Variants in NTN1 observed in about 807,000 individuals in gnomAD.
NTN1 encodes the protein netrin-1.
NTN1 carries 11 observed loss-of-function variants against 54.2 expected under a neutral mutation model. The ratio of observed to expected loss-of-function variants is 0.20; its 90% confidence interval spans 0.13 to 0.34. The LOEUF (loss-of-function observed/expected upper bound fraction) is 0.34. Among genes scored for constraint, NTN1 ranks in the 10% least tolerant of loss-of-function variants. The pLI, the probability that NTN1 is intolerant of heterozygous loss-of-function variation, is 1.00. For missense variants in NTN1, 740 were observed against 893.1 expected (o/e 0.83, Z 2.18); for synonymous variants, 371 against 382.0 (o/e 0.97, Z 0.33).
intron 2 of NTN1, among the ~76,000 whole-genome samples, chr17:9,110,899 ATTGGGTTT>A (rs573856860): frequency 1.8e-3 from 201 of 109,508 alleles, no homozygotes; most frequent in African/African-American, 6.7e-3. Flanking sequence ...GCCACCCATT[ATTGGGTTT>A]AGGGACCACC....
intron 2 of NTN1, among the ~76,000 whole-genome samples, chr17:9,118,738 T>C (rs2092222989): frequency 6.6e-6 from 1 of 151,964 alleles, no homozygotes; most frequent in African/African-American, 2.4e-5. Flanking sequence ...AATGAAATCA[T>C]ATAATATGTG....
intron 2 of NTN1, among the ~76,000 whole-genome samples, chr17:9,148,369 T>C (rs1405546629): frequency 6.6e-6 from 1 of 152,130 alleles, no homozygotes; most frequent in African/African-American, 2.4e-5. Flanking sequence ...CTCCTAGACC[T>C]GTTGAGTTGA....
At chr17:9,222,224 A>C (rs1905383244) in intron 6 of NTN1, among the ~76,000 whole-genome samples, 1 of 151,824 alleles carries the variant, frequency 6.6e-6, no homozygotes, top group African/African-American at 2.4e-5. Flanking sequence ...ACATCTGCCC[A>C]CCTCCCTCCG....
rs77158879 is a variant in NTN1 at position 9,195,102 on chromosome 17, C to T, written c.1411+12133C>T. On this transcript the variant is annotated intron_variant, in intron 5 of 6. Coordinates refer to ENST00000173229, the MANE Select transcript of NTN1 (RefSeq NM_004822.3). The stretch of plus-strand genomic sequence containing the variant: ...TTCCCTGGCCTCTTCCCCACCCCCT[C>T]GTCCTTTTCCCCTCTTTCTCCTTTT... Among the ~76,000 whole-genome samples the T allele has an allele frequency of 2.7e-3, 413 of 152,256 alleles. 3 individuals are homozygous for T. The highest frequency in any genetic ancestry group is 8.8e-3 in the African/African-American group (366 of 41,558).
At chr17:9,109,516 A>G (rs1448621649) in intron 2 of NTN1, among the ~76,000 whole-genome samples, 5 of 152,238 alleles carry the variant, frequency 3.3e-5, no homozygotes, top group Admixed American at 3.3e-4. Context: ...AACAAGCTAC[A>G]ATGTATCCAT....
intron 2 of NTN1, among the ~76,000 whole-genome samples, chr17:9,114,166 A>AAAAAAT (rs1555569108): frequency 5.4e-5 from 4 of 74,622 alleles, no homozygotes; most frequent in African/African-American, 1.7e-4. Context: ...AAAAAAAAAA[A>AAAAAAT]ATATATATAT....
At chr17:9,228,859 TATGAGA>T (rs1312967733) in intron 6 of NTN1, among the ~76,000 whole-genome samples, 4 of 60,098 alleles carry the variant, frequency 6.7e-5, no homozygotes, top group Non-Finnish European at 1.3e-4. Flanking sequence ...TGTGACTGTG[TATGAGA>T]GTGTGTCTGT....
rs2092364771 is a variant in NTN1 at position 9,163,478 on chromosome 17, A to ACG, written c.1207+478_1207+479insGC. On this transcript the variant is annotated intron_variant, in intron 3 of 6. Transcript: ENST00000173229. Reference sequence around the variant, plus strand: ...GCACCGCCCCTCACTCCCCCCCGAAACACACACACACACACACACACACAC... The same window carrying ACG: ...GCACCGCCCCTCACTCCCCCCCGAAACGCACACACACACACACACACACACAC... Among the ~76,000 whole-genome samples the ACG allele has an allele frequency of 5.3e-3, 11 of 2,060 alleles. No homozygotes were observed. In the South Asian group the frequency reaches 0.13, roughly 24 times the overall value. 1.4% of individuals were successfully genotyped at this position (2,060 alleles called of 152,430 possible).
rs938186186 is a variant in NTN1 at position 9,212,252 on chromosome 17, G to C, written c.1412-8916G>C. Among the ~76,000 whole-genome samples the C allele has an allele frequency of 1.3e-5, 2 of 152,134 alleles. No homozygotes were observed. Among genetic ancestry groups the C allele is most frequent in the Non-Finnish European group, 2.9e-5 (2 of 68,030 alleles). ...GGTGGTAAGAAGGTGGTCTTACCTGGGGCAGGGTGGGGCAAGTCACGAAGT... is the reference window on the plus strand; with the variant it reads ...GGTGGTAAGAAGGTGGTCTTACCTGCGGCAGGGTGGGGCAAGTCACGAAGT... On this transcript the variant is annotated intron_variant, in intron 5 of 6. Transcript: ENST00000173229. This position sits in a 1 kb window ranked among gnomAD's most constrained non-coding sequence, Gnocchi z 5.5.
At chr17:9,155,435 G>A (rs910042515) in intron 2 of NTN1, among the ~76,000 whole-genome samples, 7 of 151,444 alleles carry the variant, frequency 4.6e-5, no homozygotes, top group South Asian at 4.2e-4. Context: ...TTTGCCTCCC[G>A]GGTTCAAGCG....
chr17:9,154,325 C>T (rs2092335801), intron 2 of NTN1, among the ~76,000 whole-genome samples: 1 of 152,232 alleles, frequency 6.6e-6, no homozygotes, highest in South Asian at 2.1e-4. Flanking sequence ...CAGGTAGGGG[C>T]TCAGTAAATA....
At chr17:9,137,897 G>A (rs532566959) in intron 2 of NTN1, among the ~76,000 whole-genome samples, 9 of 152,346 alleles carry the variant, frequency 5.9e-5, no homozygotes, top group African/African-American at 2.2e-4. Context: ...TTTCAGGAAT[G>A]AGGTGGATGT....
chr17:9,035,954 G>A (rs1355759719), intron 2 of NTN1, among the ~76,000 whole-genome samples: 2 of 152,178 alleles, frequency 1.3e-5, no homozygotes, highest in African/African-American at 2.4e-5. Flanking sequence ...CCTGGGAGGC[G>A]GAGGTTGCAG....
chr17:9,209,523 A>G (rs1905046394), intron 5 of NTN1, among the ~76,000 whole-genome samples: 1 of 152,208 alleles, frequency 6.6e-6, no homozygotes, highest in South Asian at 2.1e-4. Context: ...TGTGCATTGC[A>G]CAGCTGTGTG....
At chr17:9,194,048 C>T (rs1904555146) in intron 5 of NTN1, among the ~76,000 whole-genome samples, 1 of 151,614 alleles carries the variant, frequency 6.6e-6, no homozygotes, top group South Asian at 2.1e-4. Flanking sequence ...CCAGCCTGGC[C>T]AACATAGTGA....
At chr17:9,223,814 T>C (rs1905446322) in intron 6 of NTN1, among the ~76,000 whole-genome samples, 1 of 152,184 alleles carries the variant, frequency 6.6e-6, no homozygotes, top group South Asian at 2.1e-4. Flanking sequence ...AGTTAATGGG[T>C]CGCAGAGGGA....
intron 2 of NTN1, among the ~76,000 whole-genome samples, chr17:9,112,428 A>G (rs1025947451): frequency 2.0e-5 from 3 of 152,188 alleles, no homozygotes; most frequent in Non-Finnish European, 4.4e-5. Flanking sequence ...CCTGGTGTGC[A>G]TGTTCCCAGC....
rs1382637441 is a variant in NTN1 at position 9,022,503 on chromosome 17, G to T, written c.130G>T (p.Glu44Ter). 6.5e-7 allele frequency: 1 copy of T among 1,544,430 alleles called. No homozygotes were observed. ...GGCGCAGCCCGATCCCTGCTCGGAC[G>T]AGAACGGCCACCCGCGCCGCTGCAT... ...QAAQPDPCSD[E>*]NGHPRRCIPD... Residue 44 changes from glutamate to a stop codon, truncating the protein, a stop_gained, in exon 2 of 7, where the codon GAG becomes TAG. Coordinates refer to ENST00000173229, the MANE Select transcript of NTN1 (RefSeq NM_004822.3). LOFTEE classifies it high-confidence loss of function.
intron 2 of NTN1, among the ~76,000 whole-genome samples, chr17:9,028,453 CAG>C (rs2091878353): frequency 6.6e-6 from 1 of 152,158 alleles, no homozygotes. Context: ...GCAGGTTCGT[CAG>C]GGGAAACCTT....
Sources: allele counts gnomAD v4.1 joint callset (sites outside exome capture counted in the v4.1 genomes callset), GRCh38; gene constraint gnomAD v4.1.1; non-coding constraint Gnocchi (gnomAD v3.1); transcripts MANE v1.5; gene names NCBI Gene and HGNC (gene_info 2026-07-23, HGNC 2026-07-21).